MAD1L1: variants seen among roughly 807,000 people sequenced by gnomAD.
The protein encoded by MAD1L1 is mitotic spindle assembly checkpoint protein MAD1.
Under a neutral mutation model 96.9 loss-of-function variants are expected in MAD1L1, and 95 were observed. The observed-to-expected ratio is 0.98, with a 90% CI of 0.83 to 1.16. The LOEUF is 1.16. MAD1L1 is among the 50% of genes most tolerant of loss of function. The pLI, the probability that MAD1L1 is intolerant of heterozygous loss-of-function variation, is 0.00. For missense variants in MAD1L1, 1,007 were observed against 954.4 expected (o/e 1.06, Z -0.73); for synonymous variants, 473 against 396.6 (o/e 1.19, Z -2.29).
chr7:1,863,668 C>G (rs917342468), intron 18 of MAD1L1, among the ~76,000 whole-genome samples: 1 of 152,232 alleles, frequency 6.6e-6, no homozygotes, highest in Non-Finnish European at 1.5e-5. Context: ...CTGCCCTGCC[C>G]TGCCCCATCT....
intron 11 of MAD1L1, among the ~76,000 whole-genome samples, chr7:2,101,919 G>C (rs1359079773): frequency 2.0e-5 from 3 of 152,148 alleles, no homozygotes; most frequent in Non-Finnish European, 4.4e-5. Context: ...GCAGTCCAGT[G>C]CACACAGGGG....
chr7:1,822,627 T>C (rs1000999158), intron 18 of MAD1L1, among the ~76,000 whole-genome samples: 3 of 151,842 alleles, frequency 2.0e-5, no homozygotes, highest in African/African-American at 7.3e-5. Context: ...CTCCCTGTGT[T>C]GCCCAGGCTG....
At chr7:1,895,385 C>CCAGCCCACAAGCTCACCTAGAGT in intron 18 of MAD1L1, among the ~76,000 whole-genome samples, 1 of 152,330 alleles carries the variant, frequency 6.6e-6, no homozygotes, top group Non-Finnish European at 1.5e-5. Flanking sequence ...CACTTGGGCA[C>CCAGCCCACAAGCTCACCTAGAGT]CAGCCCACAA....
rs149182500 is a variant in MAD1L1, at chr7:2,100,982, C to T, written c.1074-31644G>A. ...ATTTCTGTAACAGTGCAGTTATTAA[C>T]GAAGCCTCATTTGCACGTGTCAGGG... On this transcript the variant is annotated intron_variant, in intron 11 of 18. Coordinates refer to ENST00000265854, the MANE Select transcript of MAD1L1 (RefSeq NM_001013836.2). Among the ~76,000 whole-genome samples the T allele has an allele frequency of 1.7e-3, 259 of 152,322 alleles. 5 individuals carry two copies. In the East Asian group the frequency reaches 0.032, roughly 19 times the overall value.
rs145639697 is a variant in MAD1L1, at chr7:2,123,228, C to A, written c.1073+25924G>T. Reference sequence around the variant, plus strand: ...TGAGAGGCAGGAGAATGGCATGAACCCGGAAAGCGGAGCTTGCAGTGAGCC... The same window carrying A: ...TGAGAGGCAGGAGAATGGCATGAACACGGAAAGCGGAGCTTGCAGTGAGCC... On this transcript the variant is annotated intron_variant, in intron 11 of 18. Coordinates refer to ENST00000265854, the MANE Select transcript of MAD1L1 (RefSeq NM_001013836.2). Among the ~76,000 whole-genome samples, 59 of 150,446 alleles carry A rather than the reference C, an allele frequency of 3.9e-4. 1 individual carries two copies. In the East Asian group the frequency reaches 9.8e-3, roughly 25 times the overall value.
At chr7:2,085,660 C>T (rs1377378648) in intron 11 of MAD1L1, among the ~76,000 whole-genome samples, 3 of 152,206 alleles carry the variant, frequency 2.0e-5, no homozygotes, top group African/African-American at 7.2e-5. Flanking sequence ...CATCAGCCTC[C>T]ATCTCTTATG....
rs1355623614 is a variant in MAD1L1, at chr7:2,209,683, C to A, written c.986+3529G>T. Among the ~76,000 whole-genome samples the A allele has an allele frequency of 5.9e-5, 9 of 152,326 alleles. No homozygotes were observed. In the East Asian group the frequency reaches 1.7e-3, roughly 29 times the overall value. On this transcript the variant is annotated intron_variant, in intron 10 of 18. Coordinates refer to ENST00000265854, the MANE Select transcript of MAD1L1 (RefSeq NM_001013836.2). The stretch of plus-strand genomic sequence containing the variant: ...CTAGTGGCAGCAGCTCCTCCACACC[C>A]ACGGGGCCTCGGGCCTCGGCAAGCC...
intron 12 of MAD1L1, among the ~76,000 whole-genome samples, chr7:2,060,124 G>A (rs948835984): frequency 4.1e-5 from 6 of 147,936 alleles, no homozygotes; most frequent in African/African-American, 7.5e-5. Flanking sequence ...CCAAGATGCC[G>A]AGATGTCGAG....
Position 2,044,095 on chromosome 7 carries a change from G to A in MAD1L1, c.1218+25099C>T, listed in dbSNP as rs148906359. Among the ~76,000 whole-genome samples the A allele has an allele frequency of 5.2e-3, 797 of 152,346 alleles. 4 individuals are homozygous for A. Among genetic ancestry groups the A allele is most frequent in the Admixed American group, 6.8e-3 (104 of 15,310 alleles). ...GGAGGACGAGCTGCCTAGAGCTGGC[G>A]GCCACAATGCGCCGCAGGAAGGGGA... On this transcript the variant is annotated intron_variant, in intron 12 of 18. Transcript: ENST00000265854.
chr7:2,199,644 G>A (rs1026752389), intron 10 of MAD1L1, among the ~76,000 whole-genome samples: 4 of 152,262 alleles, frequency 2.6e-5, no homozygotes, highest in African/African-American at 7.2e-5. Context: ...ACGGGCAGGG[G>A]TGCCTCCCAG....
In MAD1L1 at chr7:2,110,989, G is replaced by A. The variant is rs74922224; in HGVS notation, c.1073+38163C>T. On this transcript the variant is annotated intron_variant, in intron 11 of 18. Transcript: ENST00000265854. Reference sequence around the variant, plus strand: ...TCTGCTCTCACCCCATCCCTCCCTCGAGTCCTGTACACAAGTGAGGGGAGG... The same window carrying A: ...TCTGCTCTCACCCCATCCCTCCCTCAAGTCCTGTACACAAGTGAGGGGAGG... 4.1e-3 allele frequency among the ~76,000 whole-genome samples: 622 copies of A among 152,156 alleles called. 6 individuals carry two copies. Among genetic ancestry groups the A allele is most frequent in the African/African-American group, 0.014 (588 of 41,514 alleles).
chr7:1,954,868 C>T (rs1335942742), intron 16 of MAD1L1, among the ~76,000 whole-genome samples: 6 of 152,306 alleles, frequency 3.9e-5, no homozygotes, highest in African/African-American at 1.4e-4. Flanking sequence ...CCAGGAGCCC[C>T]GCCCACCCAC....
At chr7:2,072,119 G>A (rs1053068205) in intron 11 of MAD1L1, among the ~76,000 whole-genome samples, 12 of 152,172 alleles carry the variant, frequency 7.9e-5, no homozygotes, top group Admixed American at 3.9e-4. Context: ...GCACACCTGC[G>A]GCTCGCGACC....
chr7:1,820,864 G>A (rs1782084996), intron 18 of MAD1L1, among the ~76,000 whole-genome samples: 1 of 151,984 alleles, frequency 6.6e-6, no homozygotes, highest in South Asian at 2.1e-4. Context: ...GGCGGATCAC[G>A]AGGTCAGGAG....
chr7:1,980,630 T>G (rs1780860268), intron 14 of MAD1L1, 89 bp from the exon 15 acceptor site: 2 of 1,014,312 alleles, frequency 2.0e-6, no homozygotes, highest in Non-Finnish European at 3.0e-6. Context: ...AGACCACCCC[T>G]GGCAGCACCC....
At chr7:1,973,212 T>G (rs1780481480) in intron 15 of MAD1L1, among the ~76,000 whole-genome samples, 1 of 152,038 alleles carries the variant, frequency 6.6e-6, no homozygotes, top group African/African-American at 2.4e-5. Context: ...GAGGTGTGAG[T>G]TCTCAACTGT....
chr7:1,881,862 A>G (rs1244407759), intron 18 of MAD1L1, among the ~76,000 whole-genome samples: 1 of 152,212 alleles, frequency 6.6e-6, no homozygotes, highest in East Asian at 1.9e-4. Flanking sequence ...TACATACTTC[A>G]TTAAGCCATG....
At position 2,209,301 on chromosome 7, in the gene MAD1L1, T is replaced by A. The variant is rs546305085; in HGVS notation, c.986+3911A>T. ...ACTCTCTCCTGGGGCTCAGCCAGGG[T>A]TTATCCAAGCCCGGGGCGAGGCCGA... On this transcript the variant is annotated intron_variant, in intron 10 of 18. Coordinates refer to ENST00000265854, the MANE Select transcript of MAD1L1 (RefSeq NM_001013836.2). Among the ~76,000 whole-genome samples, 159 of 151,824 alleles carry A rather than the reference T, an allele frequency of 1.0e-3. 1 individual carries two copies. Among genetic ancestry groups the A allele is most frequent in the South Asian group, 4.0e-3 (19 of 4,800 alleles).
intron 15 of MAD1L1, among the ~76,000 whole-genome samples, chr7:1,964,870 C>T (rs1780094819): frequency 6.6e-6 from 1 of 152,180 alleles, no homozygotes. Flanking sequence ...CTGGGTGCCG[C>T]AGGTGAGGCT....
Sources: allele counts gnomAD v4.1 joint callset (sites outside exome capture counted in the v4.1 genomes callset), GRCh38; gene constraint gnomAD v4.1.1; transcripts MANE v1.5; gene names NCBI Gene and HGNC (gene_info 2026-07-23, HGNC 2026-07-21).